KCNMA1: variants seen among roughly 807,000 people sequenced by gnomAD.
KCNMA1 encodes potassium calcium-activated channel subfamily M alpha 1, also known as Calcium-activated potassium channel subunit alpha-1.
Under a neutral mutation model 140.0 loss-of-function variants are expected in KCNMA1, and 29 were observed. The ratio of observed to expected loss-of-function variants is 0.21; its 90% CI spans 0.15 to 0.28. The LOEUF is 0.28. KCNMA1 is among the 10% of genes least tolerant of loss of function. The pLI, the probability that KCNMA1 is intolerant of heterozygous loss-of-function variation, is 1.00. For missense variants in KCNMA1, 880 were observed against 1,602.2 expected (o/e 0.55, Z 7.70); for synonymous variants, 612 against 611.9 (o/e 1.00, Z 0.00).
At chr10:77,498,304 C>T (rs1269739207) in intron 1 of KCNMA1, among the ~76,000 whole-genome samples, 2 of 152,078 alleles carry the variant, frequency 1.3e-5, no homozygotes, top group Non-Finnish European at 2.9e-5. Flanking sequence ...CAGCAGTGTT[C>T]AGCAGCAGCA....
rs572454916 is a variant in KCNMA1, at chr10:77,387,848, C to T, written c.540+16014G>A. ...GGCCAGGCTGGTCTTAAACTCCTGA[C>T]CTCAAGTGATCCACCTGCCTTGGCC... On this transcript the variant is annotated intron_variant, in intron 2 of 27. Coordinates refer to ENST00000286628, the MANE Select transcript of KCNMA1 (RefSeq NM_001161352.2). Among the ~76,000 whole-genome samples the T allele has an allele frequency of 7.9e-5, 12 of 152,240 alleles. No individual in the cohort carries two copies. In the South Asian group the frequency reaches 2.1e-3, roughly 26 times the overall value.
chr10:77,001,402 C>G lies in KCNMA1; in HGVS notation c.2266+5G>C. The G allele has an allele frequency of 6.4e-7, 1 of 1,551,458 alleles. No homozygotes were observed. Among genetic ancestry groups the G allele is most frequent in the Non-Finnish European group, 8.7e-7 (1 of 1,146,776 alleles). On this transcript the variant is annotated splice_donor_5th_base_variant and intron_variant, in intron 19 of 27. Transcript: ENST00000286628. Reference sequence around the variant, plus strand: ...TGGAACTACGTGTGTTGAGGTTAAACTTACAGGCACGGAAACTGGTGGAGC... The same window carrying G: ...TGGAACTACGTGTGTTGAGGTTAAAGTTACAGGCACGGAAACTGGTGGAGC...
At chr10:77,514,562 C>G (rs1426471590) in intron 1 of KCNMA1, among the ~76,000 whole-genome samples, 3 of 152,204 alleles carry the variant, frequency 2.0e-5, no homozygotes, top group Non-Finnish European at 4.4e-5. Flanking sequence ...TTCCCAACTA[C>G]TGAAAATGGC....
chr10:77,630,444 C>T (rs995054101), intron 1 of KCNMA1, among the ~76,000 whole-genome samples: 36 of 152,156 alleles, frequency 2.4e-4, no homozygotes, highest in African/African-American at 7.7e-4. Flanking sequence ...AAATCCACAA[C>T]GCTGATGGGT....
intron 1 of KCNMA1, among the ~76,000 whole-genome samples, chr10:77,482,184 C>T (rs1245787842): frequency 6.6e-6 from 1 of 152,222 alleles, no homozygotes; most frequent in East Asian, 1.9e-4. Context: ...GAAGTGCTCC[C>T]TGGGAAGCCA....
chr10:77,211,265 C>T (rs768064756), intron 3 of KCNMA1, among the ~76,000 whole-genome samples: 4 of 152,100 alleles, frequency 2.6e-5, no homozygotes, highest in Non-Finnish European at 4.4e-5. Flanking sequence ...ACATATAGAT[C>T]AGTGGGACTG....
chr10:77,152,279 T>TGG (rs1491444347), intron 5 of KCNMA1, among the ~76,000 whole-genome samples: 1,502 of 10,626 alleles, frequency 0.14, 15 homozygotes, highest in Middle Eastern at 0.19. Flanking sequence ...TTTTTGCTTT[T>TGG]GTGTGTGTGT....
chr10:77,620,742 T>G (rs2091102432), intron 1 of KCNMA1, among the ~76,000 whole-genome samples: 1 of 152,226 alleles, frequency 6.6e-6, no homozygotes, highest in Non-Finnish European at 1.5e-5. Flanking sequence ...AAATTCTTGA[T>G]GTTTCTGTTA....
chr10:77,557,797 C>T lies in KCNMA1; in HGVS notation c.378+79468G>A, dbSNP rs1051531283. Among the ~76,000 whole-genome samples, 4 of 151,896 alleles carry T rather than the reference C, an allele frequency of 2.6e-5. No homozygotes were observed. In the East Asian group the frequency reaches 5.8e-4, roughly 22 times the overall value. ...CCCTAGTAGCCAGGATTACAGGTGC[C>T]CGCCACCATACCTGGCTAATTTTTG... On this transcript the variant is annotated intron_variant, in intron 1 of 27. Transcript: ENST00000286628.
chr10:76,924,731 CAG>C (rs3998097), intron 23 of KCNMA1, among the ~76,000 whole-genome samples: 51,192 of 151,830 alleles, frequency 0.34, 9,451 homozygotes, highest in East Asian at 0.76. Context: ...GAACAGGGCC[CAG>C]AGAGAGTTTT....
At chr10:77,130,801 G>A (rs1304976469) in intron 5 of KCNMA1, among the ~76,000 whole-genome samples, 1 of 151,816 alleles carries the variant, frequency 6.6e-6, no homozygotes, top group Non-Finnish European at 1.5e-5. Context: ...ACATATATAT[G>A]TATTTATTTA....
At chr10:76,936,701 G>T (rs2060653867) in intron 23 of KCNMA1, among the ~76,000 whole-genome samples, 2 of 152,290 alleles carry the variant, frequency 1.3e-5, no homozygotes, top group South Asian at 4.1e-4. Context: ...CAGCCTGGGG[G>T]TCAGGAAAGC....
chr10:77,562,292 T>G (rs1240721575), intron 1 of KCNMA1, among the ~76,000 whole-genome samples: 1 of 152,246 alleles, frequency 6.6e-6, no homozygotes, highest in Non-Finnish European at 1.5e-5. Context: ...ATTCAGATTT[T>G]TTTTAGTAAG....
intron 22 of KCNMA1, among the ~76,000 whole-genome samples, chr10:76,946,347 G>A (rs2063953497): frequency 6.6e-6 from 1 of 152,194 alleles, no homozygotes; most frequent in African/African-American, 2.4e-5. Flanking sequence ...GTGGTGACCT[G>A]AGTTACCTTC....
chr10:77,546,846 CT>C (rs1160466637), intron 1 of KCNMA1, among the ~76,000 whole-genome samples: 1 of 152,212 alleles, frequency 6.6e-6, no homozygotes, highest in Non-Finnish European at 1.5e-5. Context: ...CCCTTCTAGG[CT>C]ACCTACTATG....
At chr10:77,559,524 C>T (rs2065652034) in intron 1 of KCNMA1, among the ~76,000 whole-genome samples, 1 of 152,252 alleles carries the variant, frequency 6.6e-6, no homozygotes, top group South Asian at 2.1e-4. Flanking sequence ...TCCTAAGAAC[C>T]TGTTGAGGCC....
intron 1 of KCNMA1, chr10:77,634,507 T>C: frequency 1.0e-6 from 1 of 985,372 alleles, no homozygotes; most frequent in Non-Finnish European, 1.2e-6. Flanking sequence ...CAAACGCTCA[T>C]GAAATTGGAG....
chr10:76,944,713 C>A, intron 23 of KCNMA1, 60 bp downstream of exon 23: 1 of 1,475,400 alleles, frequency 6.8e-7, no homozygotes, highest in South Asian at 1.1e-5. Context: ...GAAGGATATC[C>A]CTCTTGCCAG....
intron 1 of KCNMA1, chr10:77,636,203 T>A: frequency 7.0e-7 from 1 of 1,426,960 alleles, no homozygotes; most frequent in African/African-American, 1.4e-5. Context: ...ACTCTCTTTT[T>A]TCCAGTTCTT....
Sources: allele counts gnomAD v4.1 joint callset (sites outside exome capture counted in the v4.1 genomes callset), GRCh38; gene constraint gnomAD v4.1.1; transcripts MANE v1.5; gene names NCBI Gene and HGNC (gene_info 2026-07-23, HGNC 2026-07-21).